PTPRN2: variants seen among roughly 807,000 people sequenced by gnomAD.
PTPRN2 encodes the protein protein tyrosine phosphatase receptor type N2.
Under a neutral mutation model 118.8 loss-of-function variants are expected in PTPRN2, and 74 were observed. The observed-to-expected ratio is 0.62, with a 90% CI of 0.52 to 0.76. The LOEUF (loss-of-function observed/expected upper bound fraction) is 0.76. PTPRN2 is among the 30% of genes least tolerant of loss of function. PTPRN2 has a pLI of 0.00. For synonymous variants in PTPRN2, 641 were observed against 608.0 expected, an observed-to-expected ratio of 1.05 and a Z score of -0.80; for missense variants, 1,481 against 1,394.4, an observed-to-expected ratio of 1.06 and a Z score of -0.99.
intron 2 of PTPRN2, among the ~76,000 whole-genome samples, chr7:158,424,508 C>G (rs536342378): frequency 2.2e-4 from 34 of 152,358 alleles, no homozygotes; most frequent in Non-Finnish European, 4.3e-4. Flanking sequence ...AACTGACTCT[C>G]CCGATTCCTC....
intron 11 of PTPRN2, among the ~76,000 whole-genome samples, chr7:157,909,290 C>G (rs1797948295): frequency 1.3e-5 from 2 of 152,304 alleles, no homozygotes; most frequent in Admixed American, 1.3e-4. Flanking sequence ...ATGAGCTTCA[C>G]ATAGACTTTT....
chr7:157,829,648 A>G (rs1264458237), intron 12 of PTPRN2, among the ~76,000 whole-genome samples: 1 of 152,248 alleles, frequency 6.6e-6, no homozygotes, highest in Admixed American at 6.5e-5. Flanking sequence ...GAGCTGAGCC[A>G]TCTCTGCAAT....
rs1818848277 is a variant in PTPRN2 at position 158,459,869 on chromosome 7, T to TACAGTGCCTGTGTGCCGTC, written c.163+29865_163+29866insGACGGCACACAGGCACTGT. On this transcript the variant is annotated intron_variant, in intron 2 of 22. Transcript: ENST00000389418. ...TGGGACTCTATCTACAAGTTCCTGCTAGAGGGTCTGTGTGCCGAGAGCACA... is the reference window on the plus strand; with the variant it reads ...TGGGACTCTATCTACAAGTTCCTGCTACAGTGCCTGTGTGCCGTCAGAGGGTCTGTGTGCCGAGAGCACA... Among the ~76,000 whole-genome samples the TACAGTGCCTGTGTGCCGTC allele has an allele frequency of 1.9e-5, 2 of 103,750 alleles. 1 individual carries two copies. 68.1% of individuals were successfully genotyped at this position (103,750 alleles called of 152,430 possible).
chr7:158,333,663 G>C (rs1303454475), intron 2 of PTPRN2, among the ~76,000 whole-genome samples: 1 of 151,142 alleles, frequency 6.6e-6, no homozygotes, highest in Non-Finnish European at 1.5e-5. Flanking sequence ...CACCATAAGA[G>C]CTGACACCCA....
intron 11 of PTPRN2, among the ~76,000 whole-genome samples, chr7:158,052,151 T>TA (rs1396787672): frequency 1.3e-5 from 2 of 152,240 alleles, no homozygotes; most frequent in Non-Finnish European, 2.9e-5. Flanking sequence ...TATATTATCT[T>TA]AGACAGCAGG....
rs1807542252 is a variant in PTPRN2, at chr7:157,831,224, G to A, written c.1788+67449C>T. Among the ~76,000 whole-genome samples the A allele has an allele frequency of 1.3e-5, 2 of 152,192 alleles. No homozygotes were observed. The highest frequency in any genetic ancestry group is 4.8e-5 in the African/African-American group (2 of 41,440). On this transcript the variant is annotated intron_variant, in intron 12 of 22. Coordinates refer to ENST00000389418, the MANE Select transcript of PTPRN2 (RefSeq NM_002847.5). The surrounding 1 kb of genome is among the most constrained non-coding windows in gnomAD (Gnocchi z 4.8). ...CGGGCCCTGCAGCATCTTACAAGGG[G>A]TGCAGGGAAGTCCAGAGACAGAAGC...
At position 157,656,513 on chromosome 7, in the gene PTPRN2, G is replaced by A. The variant is rs1806104636; in HGVS notation, c.2040C>T (p.Asp680=). 1.3e-6 allele frequency: 2 copies of A among 1,551,580 alleles called. No individual in the cohort carries two copies. Among genetic ancestry groups the A allele is most frequent in the African/African-American group, 2.7e-5 (2 of 73,480 alleles). ...CRQRMATRPP[D]RPEGPHTSRI... ...GTGACGTGTGCGGGCCCTCAGGTCG[G>A]TCTGGTGGCCGCGTGGCCATACGCT... Residue 680 remains aspartate (D), a synonymous_variant, in exon 14 of 23, where the codon GAC becomes GAT. Coordinates refer to ENST00000389418, the MANE Select transcript of PTPRN2 (RefSeq NM_002847.5).
At chr7:158,139,322 G>T (rs867278548) in intron 6 of PTPRN2, among the ~76,000 whole-genome samples, 1 of 152,132 alleles carries the variant, frequency 6.6e-6, no homozygotes, top group African/African-American at 2.4e-5. Context: ...AGAGCACGGC[G>T]TCTGAAATTT....
At position 157,898,742 on chromosome 7, in the gene PTPRN2, T is replaced by C. The variant is rs775586411; in HGVS notation, c.1724-5A>G. The C allele has an allele frequency of 1.9e-6, 3 of 1,599,204 alleles. No homozygotes were observed. In the South Asian group the frequency reaches 3.3e-5, roughly 18 times the overall value. ...CCAGTTTGTCTTTGTTGTCAACTGT[T>C]AGGAAAAATCAGAAAGCACAAGAGT... On this transcript the variant is annotated splice_polypyrimidine_tract_variant and splice_region_variant and intron_variant, in intron 11 of 22. Coordinates refer to ENST00000389418, the MANE Select transcript of PTPRN2 (RefSeq NM_002847.5).
chr7:157,870,373 T>C (rs917432607), intron 12 of PTPRN2, among the ~76,000 whole-genome samples: 9 of 152,190 alleles, frequency 5.9e-5, no homozygotes, highest in Admixed American at 6.5e-5. Flanking sequence ...TTAAAATGAG[T>C]TCTCCATTTG....
At chr7:158,035,261 G>C (rs1315051870) in intron 11 of PTPRN2, among the ~76,000 whole-genome samples, 1 of 152,230 alleles carries the variant, frequency 6.6e-6, no homozygotes, top group Admixed American at 6.5e-5. Flanking sequence ...AGAAAGTCTA[G>C]AGATGTCCAT....
chr7:157,934,300 AAGT>A (rs1213146903), intron 11 of PTPRN2, among the ~76,000 whole-genome samples: 1 of 152,250 alleles, frequency 6.6e-6, no homozygotes, highest in Non-Finnish European at 1.5e-5. Context: ...TATCTGAATC[AAGT>A]AGTACTAAGA....
intron 1 of PTPRN2, chr7:158,539,627 G>A: frequency 4.6e-6 from 1 of 217,258 alleles, no homozygotes; most frequent in Non-Finnish European, 9.3e-6. Flanking sequence ...GGAAAGGCCT[G>A]GAGCCTTACG....
chr7:157,967,792 T>C (rs1802050808), intron 11 of PTPRN2, among the ~76,000 whole-genome samples: 1 of 152,168 alleles, frequency 6.6e-6, no homozygotes, highest in East Asian at 1.9e-4. Context: ...AAGATGTATT[T>C]ACCTTGGGAT....
intron 2 of PTPRN2, among the ~76,000 whole-genome samples, chr7:158,432,893 C>T (rs1816323414): frequency 6.6e-6 from 1 of 152,216 alleles, no homozygotes; most frequent in Non-Finnish European, 1.5e-5. Flanking sequence ...AGAGGCCCCG[C>T]GCCCTGACAA....
intron 11 of PTPRN2, among the ~76,000 whole-genome samples, chr7:157,961,031 A>T (rs1801495883): frequency 6.6e-6 from 1 of 152,088 alleles, no homozygotes; most frequent in Non-Finnish European, 1.5e-5. Context: ...AACAAAACCA[A>T]AACAAAACAA....
intron 12 of PTPRN2, among the ~76,000 whole-genome samples, chr7:157,876,656 C>T (rs894795002): frequency 3.9e-5 from 6 of 152,194 alleles, no homozygotes; most frequent in South Asian, 2.1e-4. Flanking sequence ...AGCGCCCCCA[C>T]GTGGGGCTGG....
chr7:158,276,600 C>CT (rs1194250898), intron 3 of PTPRN2, among the ~76,000 whole-genome samples: 1 of 149,102 alleles, frequency 6.7e-6, no homozygotes, highest in Non-Finnish European at 1.5e-5. Flanking sequence ...TTGTTGGTAG[C>CT]TTCCTTCTTT....
chr7:158,287,299 T>C lies in PTPRN2; in HGVS notation c.277+29520A>G, dbSNP rs780544885. On this transcript the variant is annotated intron_variant, in intron 3 of 22. Transcript: ENST00000389418. The stretch of plus-strand genomic sequence containing the variant: ...CTCTTAGTTCCATTGATCTTTTCTA[T>C]TGTTTTTCTAGTTTCGATGTAATCT... Among the ~76,000 whole-genome samples the C allele has an allele frequency of 1.3e-4, 20 of 152,100 alleles. 1 individual carries two copies. Among genetic ancestry groups the C allele is most frequent in the Admixed American group, 2.6e-4 (4 of 15,272 alleles).
Sources: gnomAD v4.1 joint callset for allele counts (sites outside exome capture counted in the v4.1 genomes callset) on GRCh38, gnomAD v4.1.1 for gene constraint, Gnocchi (gnomAD v3.1) non-coding constraint, MANE v1.5 for transcripts, NCBI Gene and HGNC (gene_info 2026-07-23, HGNC 2026-07-21) for gene names.